Variants in GALNT17 observed in about 807,000 individuals in gnomAD.
GALNT17 encodes the protein UDP-GalNAc:polypeptide N-acetylgalactosaminyltransferase-like 3.
In GALNT17, 29 loss-of-function variants were observed where a neutral mutation model predicts 63.7. The observed-to-expected ratio is 0.46, with a 90% CI of 0.34 to 0.62. The LOEUF is 0.62. GALNT17 is among the 20% of genes least tolerant of loss of function. The pLI, the probability that GALNT17 is intolerant of heterozygous loss-of-function variation, is 0.01. For missense variants in GALNT17, 603 were observed against 799.6 expected (o/e 0.75, Z 2.97); for synonymous variants, 305 against 318.3 (o/e 0.96, Z 0.45).
At chr7:71,207,749 T>C (rs1159904113) in intron 1 of GALNT17, among the ~76,000 whole-genome samples, 2 of 152,122 alleles carry the variant, frequency 1.3e-5, no homozygotes, top group Non-Finnish European at 2.9e-5. Flanking sequence ...TGTGCCCATT[T>C]ATGAGTGTAG....
At chr7:71,576,371 G>A (rs1195739963) in intron 6 of GALNT17, among the ~76,000 whole-genome samples, 2 of 152,230 alleles carry the variant, frequency 1.3e-5, no homozygotes, top group South Asian at 4.1e-4. Flanking sequence ...TGTATATCCA[G>A]TAATGGGATT....
intron 5 of GALNT17, among the ~76,000 whole-genome samples, chr7:71,515,231 C>A (rs1345573059): frequency 6.6e-6 from 1 of 152,124 alleles, no homozygotes. Context: ...GAGAGAAATG[C>A]CTTAGGAGCT....
At chr7:71,608,960 TG>T (rs199586983) in intron 6 of GALNT17, among the ~76,000 whole-genome samples, 18,052 of 147,190 alleles carry the variant, frequency 0.12, 1,253 homozygotes, top group Non-Finnish European at 0.15. Context: ...TTTTTTTTTT[TG>T]GTAGCGATGG....
At chr7:71,216,839 A>G (rs1046700901) in intron 1 of GALNT17, among the ~76,000 whole-genome samples, 1 of 152,178 alleles carries the variant, frequency 6.6e-6, no homozygotes, top group African/African-American at 2.4e-5. Context: ...GTAGTTATAT[A>G]ACTACTTTAT....
intron 10 of GALNT17, 137 bp downstream of exon 10, chr7:71,711,065 T>A: frequency 8.3e-7 from 1 of 1,203,180 alleles, no homozygotes; most frequent in South Asian, 1.6e-5. Context: ...GGGCTGGGCT[T>A]GTGGACCCAA....
intron 6 of GALNT17, among the ~76,000 whole-genome samples, chr7:71,643,162 T>G (rs892140570): frequency 2.0e-5 from 3 of 149,744 alleles, no homozygotes; most frequent in Admixed American, 1.3e-4. Flanking sequence ...TCAACGCTAT[T>G]CAGAACTATC....
intron 5 of GALNT17, among the ~76,000 whole-genome samples, chr7:71,424,950 T>C (rs1337751952): frequency 2.6e-5 from 4 of 152,182 alleles, no homozygotes; most frequent in African/African-American, 9.7e-5. Context: ...AATTGATAAT[T>C]CCTTCTGTTT....
chr7:71,637,982 T>G (rs534557681), intron 6 of GALNT17, among the ~76,000 whole-genome samples: 7 of 152,336 alleles, frequency 4.6e-5, no homozygotes, highest in Admixed American at 4.6e-4. Flanking sequence ...TGCCCATGTT[T>G]ATGGTTATTT....
intron 6 of GALNT17, among the ~76,000 whole-genome samples, chr7:71,580,334 A>T (rs1365203391): frequency 6.6e-6 from 1 of 152,064 alleles, no homozygotes; most frequent in East Asian, 1.9e-4. Context: ...TACAAAGAAG[A>T]TAGATATAGA....
At chr7:71,309,859 A>G (rs1262639215) in intron 1 of GALNT17, among the ~76,000 whole-genome samples, 5 of 152,168 alleles carry the variant, frequency 3.3e-5, no homozygotes. Flanking sequence ...AGAGAGAAAT[A>G]TATTGATATG....
At chr7:71,281,882 G>A (rs1790784381) in intron 1 of GALNT17, among the ~76,000 whole-genome samples, 1 of 152,202 alleles carries the variant, frequency 6.6e-6, no homozygotes, top group African/African-American at 2.4e-5. Context: ...ATAGATTTCA[G>A]GTTAGTGTCG....
At chr7:71,416,155 C>A in intron 4 of GALNT17, 92 bp downstream of exon 4, 1 of 1,405,982 alleles carries the variant, frequency 7.1e-7, no homozygotes, top group Non-Finnish European at 9.6e-7. Context: ...TCACCTGTTA[C>A]CTGTAGTGGC....
At chr7:71,448,055 T>C (rs552442618) in intron 5 of GALNT17, among the ~76,000 whole-genome samples, 2 of 152,320 alleles carry the variant, frequency 1.3e-5, no homozygotes, top group East Asian at 1.9e-4. Flanking sequence ...TTAGTGCTTG[T>C]ATGTGTAAAA....
intron 1 of GALNT17, among the ~76,000 whole-genome samples, chr7:71,147,091 T>G (rs1788038069): frequency 6.6e-6 from 1 of 152,174 alleles, no homozygotes; most frequent in African/African-American, 2.4e-5. Context: ...GGGACCAAAG[T>G]TTATGCATGT....
At chr7:71,185,522 CTTTT>C (rs747181057) in intron 1 of GALNT17, among the ~76,000 whole-genome samples, 1 of 124,638 alleles carries the variant, frequency 8.0e-6, no homozygotes. Context: ...CGTTTCTTTT[CTTTT>C]TTTTTTTTTT....
intron 1 of GALNT17, among the ~76,000 whole-genome samples, chr7:71,179,448 G>T (rs561363033): frequency 6.6e-6 from 1 of 152,322 alleles, no homozygotes; most frequent in South Asian, 2.1e-4. Flanking sequence ...TGTGTCACAG[G>T]CATGCATCCT....
intron 6 of GALNT17, among the ~76,000 whole-genome samples, chr7:71,649,612 AACACACACACAC>A (rs148658729): frequency 1.4e-5 from 2 of 146,158 alleles, no homozygotes; most frequent in Admixed American, 6.9e-5. Context: ...TTCAGGATTA[AACACACACACAC>A]ACACACACAC....
At chr7:71,400,092 C>G (rs1377015811) in intron 3 of GALNT17, among the ~76,000 whole-genome samples, 1 of 152,138 alleles carries the variant, frequency 6.6e-6, no homozygotes, top group Non-Finnish European at 1.5e-5. Context: ...ATCAGTCCAT[C>G]ATCTAGGTTT....
Position 71,166,755 on chromosome 7 carries a change from C to T in GALNT17, c.238+33715C>T, listed in dbSNP as rs139066008. 2.6e-3 allele frequency among the ~76,000 whole-genome samples: 402 copies of T among 152,244 alleles called. 2 individuals carry two copies. Among genetic ancestry groups the T allele is most frequent in the African/African-American group, 9.1e-3 (379 of 41,548 alleles). ...TCTTGTTGAGGGCCATGTGTATTGTCTCCAGATTGTAGCTATTTCCAGTGA... is the reference window on the plus strand; with the variant it reads ...TCTTGTTGAGGGCCATGTGTATTGTTTCCAGATTGTAGCTATTTCCAGTGA... On this transcript the variant is annotated intron_variant, in intron 1 of 10. Coordinates refer to ENST00000333538, the MANE Select transcript of GALNT17 (RefSeq NM_022479.3).
Sources: gnomAD v4.1 joint callset for allele counts (sites outside exome capture counted in the v4.1 genomes callset) on GRCh38, gnomAD v4.1.1 for gene constraint, MANE v1.5 for transcripts, NCBI Gene and HGNC (gene_info 2026-07-23, HGNC 2026-07-21) for gene names.